The following XKRX variants were observed in gnomAD, a reference collection of about 807,000 sequenced individuals.
XKRX encodes XK related X-linked, also known as XK-related protein 2.
Under a neutral mutation model 22.4 loss-of-function variants are expected in XKRX, and 11 were observed. The ratio of observed to expected loss-of-function variants is 0.49; its 90% confidence interval spans 0.31 to 0.81. The LOEUF is 0.81. Among genes scored for constraint, XKRX ranks in the 40% least tolerant of loss-of-function variants. The probability of loss-of-function intolerance (pLI) is 0.05; values close to 1 mark genes in which losing one functional copy is unlikely to be tolerated. For missense variants in XKRX, 320 were observed against 336.5 expected (o/e 0.95, Z 0.38); for synonymous variants, 114 against 132.2 (o/e 0.86, Z 0.94).
downstream of XKRX, among the ~76,000 whole-genome samples, chrX:100,909,961 G>C (rs1424238702): frequency 9.7e-6 from 1 of 102,728 alleles, no homozygotes; most frequent in African/African-American, 3.5e-5. Flanking sequence ...TACCGTGCCA[G>C]GAATATAGTA....
upstream of XKRX, among the ~76,000 whole-genome samples, chrX:100,932,625 G>T (rs1023889794): frequency 8.9e-6 from 1 of 112,256 alleles, no homozygotes; most frequent in Non-Finnish European, 1.9e-5. Flanking sequence ...GGATGGGGTT[G>T]AGCTTTCCAA....
chrX:100,907,570 T>G, the XKRX span, among the ~76,000 whole-genome samples: 1 of 111,777 alleles, frequency 8.9e-6, no homozygotes, highest in South Asian at 3.7e-4. Context: ...TAGATAGTAT[T>G]CCAATTATGG....
intron 1 of XKRX, among the ~76,000 whole-genome samples, chrX:100,927,480 T>A (rs934198284): frequency 1.3e-4 from 14 of 110,241 alleles, no homozygotes; most frequent in Non-Finnish European, 2.5e-4. Context: ...CCTATAAAAA[T>A]TTTTTTTTAA....
At chrX:100,907,591 G>C in the XKRX span, among the ~76,000 whole-genome samples, 1 of 111,547 alleles carries the variant, frequency 9.0e-6, no homozygotes, top group Admixed American at 9.6e-5. Flanking sequence ...AACTGTTACA[G>C]TTTAGTCATT....
the XKRX span, among the ~76,000 whole-genome samples, chrX:100,897,139 A>C: frequency 1.1e-4 from 12 of 111,187 alleles, no homozygotes; most frequent in Admixed American, 1.2e-3. Flanking sequence ...AATTAAGCAA[A>C]TAAGTATGAA....
the XKRX span, among the ~76,000 whole-genome samples, chrX:100,891,350 C>T: frequency 9.0e-6 from 1 of 110,932 alleles, no homozygotes; most frequent in Admixed American, 9.7e-5. Flanking sequence ...TACTAACATA[C>T]ACATGGAACC....
the XKRX span, among the ~76,000 whole-genome samples, chrX:100,938,878 A>C: frequency 8.9e-6 from 1 of 112,328 alleles, no homozygotes; most frequent in African/African-American, 3.2e-5. Context: ...ATGTATAATC[A>C]TGTTGATAAT....
At chrX:100,954,827 A>G in the XKRX span, among the ~76,000 whole-genome samples, 1 of 112,661 alleles carries the variant, frequency 8.9e-6, no homozygotes, top group Admixed American at 9.4e-5. Context: ...TACATATTGT[A>G]TGATTCCATT....
At chrX:100,927,710 CTTG>C (rs1428745449) in intron 1 of XKRX, among the ~76,000 whole-genome samples, 3 of 111,823 alleles carry the variant, frequency 2.7e-5, no homozygotes, top group Non-Finnish European at 5.6e-5. Flanking sequence ...GTGATCACGT[CTTG>C]TTGTTCCCAT....
chrX:100,904,936 G>A, the XKRX span, among the ~76,000 whole-genome samples: 2 of 111,975 alleles, frequency 1.8e-5, no homozygotes, highest in Non-Finnish European at 3.8e-5. Flanking sequence ...AGCTGGTTTG[G>A]ATAAATATTG....
downstream of XKRX, chrX:100,911,358 G>A (rs7061500): frequency 3.6e-3 from 2,970 of 821,222 alleles, 38 homozygotes; most frequent in African/African-American, 0.043. Context: ...ATTACCAAAG[G>A]TACTGTCATT....
chrX:100,914,627 C>CT lies in XKRX; in HGVS notation c.1060dup (p.Ser354LysfsTer15). ...GATCACATTCTCTACCAACCTCACA[C>CT]TATAGTGCAGGCCCATATGTCCCCA... is the stretch of plus-strand genomic sequence containing the variant. On this transcript the variant is annotated frameshift_variant, in exon 3 of 3. Coordinates refer to ENST00000372956, the MANE Select transcript of XKRX (RefSeq NM_212559.3). LOFTEE classifies it high-confidence loss of function. 1 of 1,212,099 alleles carries CT rather than the reference C, an allele frequency of 8.3e-7. No homozygotes were observed. The highest frequency in any genetic ancestry group is 1.1e-6 in the Non-Finnish European group (1 of 895,668).
chrX:100,890,408 T>C, the XKRX span, among the ~76,000 whole-genome samples: 1 of 108,306 alleles, frequency 9.2e-6, no homozygotes, highest in Non-Finnish European at 1.9e-5. Flanking sequence ...CAAGTATAGG[T>C]TGGTGCAAAA....
the XKRX span, among the ~76,000 whole-genome samples, chrX:100,901,085 T>C: frequency 1.1e-4 from 12 of 111,505 alleles, no homozygotes; most frequent in Middle Eastern, 4.7e-3. Context: ...CCACCGCACC[T>C]GGCCCACAAT....
intron 2 of XKRX, among the ~76,000 whole-genome samples, chrX:100,917,563 GAGAGAGAAAGAA>G (rs1433458115): frequency 6.0e-5 from 6 of 100,802 alleles, no homozygotes; most frequent in Middle Eastern, 5.0e-3. Flanking sequence ...CAGAAAGAGA[GAGAGAGAAAGAA>G]AGAGAGAAAG....
At chrX:100,951,116 C>A in the XKRX span, among the ~76,000 whole-genome samples, 1 of 107,706 alleles carries the variant, frequency 9.3e-6, no homozygotes, top group East Asian at 2.9e-4. Flanking sequence ...CGCCTGTAAT[C>A]CCAGCTACTA....
the XKRX span, among the ~76,000 whole-genome samples, chrX:100,940,132 T>TAA: frequency 8.9e-6 from 1 of 111,966 alleles, no homozygotes; most frequent in Non-Finnish European, 1.9e-5. Flanking sequence ...AATACCAACA[T>TAA]TTATTGAGTG....
chrX:100,935,721 A>G, the XKRX span, among the ~76,000 whole-genome samples: 1 of 112,420 alleles, frequency 8.9e-6, no homozygotes, highest in African/African-American at 3.2e-5. Context: ...TTTACATTGC[A>G]GTCTGACAGT....
chrX:100,948,957 G>A, the XKRX span, among the ~76,000 whole-genome samples: 21 of 112,532 alleles, frequency 1.9e-4, no homozygotes, highest in Admixed American at 1.6e-3. Flanking sequence ...CCTCCATTCC[G>A]CATTCCCCCA....
Sources: allele counts gnomAD v4.1 joint callset (sites outside exome capture counted in the v4.1 genomes callset), GRCh38; gene constraint gnomAD v4.1.1; transcripts MANE v1.5; gene names NCBI Gene and HGNC (gene_info 2026-07-23, HGNC 2026-07-21).